GHR: variants seen among roughly 807,000 people sequenced by gnomAD.
The protein encoded by GHR is growth hormone receptor, also known as GH receptor.
In GHR, 35 loss-of-function variants were observed where a neutral mutation model predicts 67.1. The ratio of observed to expected loss-of-function variants is 0.52; its 90% CI spans 0.40 to 0.69. The LOEUF (loss-of-function observed/expected upper bound fraction) is 0.69, where lower values mean the gene tolerates loss of function less well. GHR is among the 30% of genes least tolerant of loss of function. GHR has a pLI of 0.00. For synonymous variants in GHR, 272 were observed against 269.1 expected, an observed-to-expected ratio of 1.01 and a Z score of -0.10; for missense variants, 792 against 764.6, an observed-to-expected ratio of 1.04 and a Z score of -0.42.
At chr5:42,467,699 TC>T in intron 1 of GHR, 6 of 1,579,658 alleles carry the variant, frequency 3.8e-6, no homozygotes, top group Non-Finnish European at 5.2e-6. Context: ...ATGAAGGCCT[TC>T]CCACACTCAT....
rs573495654 is a variant in GHR at position 42,479,434 on chromosome 5, T to C, written c.-12+55479T>C. Among the ~76,000 whole-genome samples the C allele has an allele frequency of 4.0e-3, 614 of 152,352 alleles. 3 individuals carry two copies. The highest frequency in any genetic ancestry group is 0.013 in the African/African-American group (548 of 41,584). On this transcript the variant is annotated intron_variant, in intron 1 of 9. Coordinates refer to ENST00000230882, the MANE Select transcript of GHR (RefSeq NM_000163.5). ...TAGGGAGGATTCCCTCTTTTTCTAT[T>C]GATTGGAATAGTTTCAGAAGGAATG...
chr5:42,476,965 T>C (rs1186321992), intron 1 of GHR, among the ~76,000 whole-genome samples: 5 of 152,098 alleles, frequency 3.3e-5, no homozygotes, highest in Non-Finnish European at 5.9e-5. Context: ...ATGTGCCATG[T>C]TGGTGTGCTG....
At chr5:42,474,885 CCTTTTT>C (rs1745230487) in intron 1 of GHR, among the ~76,000 whole-genome samples, 1 of 125,508 alleles carries the variant, frequency 8.0e-6, no homozygotes, top group Non-Finnish European at 1.7e-5. Context: ...TTTTTTTTGC[CCTTTTT>C]TTTTTTTTTT....
intron 2 of GHR, among the ~76,000 whole-genome samples, chr5:42,584,185 T>G (rs997134250): frequency 2.2e-4 from 34 of 152,208 alleles, no homozygotes; most frequent in Non-Finnish European, 5.9e-5. Flanking sequence ...GATTATTTAG[T>G]CTTCCGTGAA....
intron 1 of GHR, among the ~76,000 whole-genome samples, chr5:42,451,135 A>G (rs561369117): frequency 6.6e-6 from 1 of 152,286 alleles, no homozygotes; most frequent in Non-Finnish European, 1.5e-5. Flanking sequence ...GTAAGTACCT[A>G]TTAAGTCAAT....
chr5:42,503,040 T>G, intron 1 of GHR, among the ~76,000 whole-genome samples: 1 of 152,096 alleles, frequency 6.6e-6, no homozygotes, highest in East Asian at 1.9e-4. Context: ...GGTGTACTCT[T>G]GCCACCTGGT....
At chr5:42,666,361 T>G (rs569156154) in intron 3 of GHR, among the ~76,000 whole-genome samples, 2 of 152,296 alleles carry the variant, frequency 1.3e-5, no homozygotes, top group African/African-American at 4.8e-5. Context: ...AAGCATTCAT[T>G]GTTAATGATC....
Position 42,467,672 on chromosome 5 carries a change from C to T in GHR, c.-12+43717C>T, listed in dbSNP as rs952249090. The T allele has an allele frequency of 6.3e-6, 10 of 1,598,988 alleles. No homozygotes were observed. In the African/African-American group the frequency reaches 1.1e-4, roughly 17 times the overall value. The stretch of plus-strand genomic sequence containing the variant: ...CCAGTGTGGATTCTCTGATGCACAT[C>T]GAGCTTTGCACTCTGAATGAAGGCC... On this transcript the variant is annotated intron_variant, in intron 1 of 9. Coordinates refer to ENST00000230882, the MANE Select transcript of GHR (RefSeq NM_000163.5).
chr5:42,653,101 T>C (rs1190922123), intron 3 of GHR, among the ~76,000 whole-genome samples: 1 of 152,156 alleles, frequency 6.6e-6, no homozygotes, highest in East Asian at 1.9e-4. Context: ...GAACAGGGCC[T>C]GACAGATCAT....
chr5:42,486,958 C>T (rs10473286), intron 1 of GHR, among the ~76,000 whole-genome samples: 2 of 151,810 alleles, frequency 1.3e-5, no homozygotes, highest in African/African-American at 4.8e-5. Flanking sequence ...TAGTCTAATA[C>T]GAGATAGTTT....
At chr5:42,613,126 C>A (rs1368501247) in intron 2 of GHR, among the ~76,000 whole-genome samples, 1 of 152,080 alleles carries the variant, frequency 6.6e-6, no homozygotes, top group Non-Finnish European at 1.5e-5. Flanking sequence ...CTTCCTGTAA[C>A]ACCTACTTAG....
At chr5:42,707,117 T>A (rs1758213174) in intron 6 of GHR, among the ~76,000 whole-genome samples, 1 of 152,006 alleles carries the variant, frequency 6.6e-6, no homozygotes, top group Non-Finnish European at 1.5e-5. Context: ...TTAAATGTAT[T>A]CCTAGGTTTC....
rs1004153014 is a variant in GHR, at chr5:42,433,174, A to C, written c.-12+9219A>C. 2.0e-5 allele frequency among the ~76,000 whole-genome samples: 3 copies of C among 152,092 alleles called. No homozygotes were observed. In the East Asian group the frequency reaches 5.8e-4, roughly 29 times the overall value. ...TAGGACTTAGTAGGACTTGGGAGAC[A>C]TATCTACTTTGCCAGATCTTAGTAT... On this transcript the variant is annotated intron_variant, in intron 1 of 9. Transcript: ENST00000230882.
chr5:42,554,148 T>C (rs1309743187), intron 1 of GHR, among the ~76,000 whole-genome samples: 2 of 152,208 alleles, frequency 1.3e-5, no homozygotes, highest in African/African-American at 4.8e-5. Flanking sequence ...CCTATCCTAC[T>C]GATCCAATTC....
At chr5:42,441,136 G>C (rs1368352579) in intron 1 of GHR, among the ~76,000 whole-genome samples, 2 of 152,076 alleles carry the variant, frequency 1.3e-5, no homozygotes. Context: ...AGAGAAGAAA[G>C]CATAAGTCTG....
At chr5:42,483,197 G>T (rs550870857) in intron 1 of GHR, among the ~76,000 whole-genome samples, 3 of 152,112 alleles carry the variant, frequency 2.0e-5, no homozygotes, top group African/African-American at 7.2e-5. Flanking sequence ...GACTACAGGC[G>T]TGTACCTCCA....
chr5:42,719,000 G>T lies in GHR; in HGVS notation c.1493G>T (p.Ser498Ile). The change falls in exon 10 of 10, where the codon AGT becomes ATT. Residue 498 changes from serine (S) to isoleucine (I), a missense_variant. By Grantham distance (142) the Ser-to-Ile change is moderately radical (BLOSUM62 -2). Coordinates refer to ENST00000230882, the MANE Select transcript of GHR (RefSeq NM_000163.5). ...AQVSDITPAGSVVLSPGQKNK... is the reference protein window; with the variant it reads ...AQVSDITPAGIVVLSPGQKNK... ...GTGAGCGACATTACACCAGCAGGTAGTGTGGTCCTTTCCCCGGGCCAAAAG... is the reference window on the plus strand; with the variant it reads ...GTGAGCGACATTACACCAGCAGGTATTGTGGTCCTTTCCCCGGGCCAAAAG... 6 of 1,608,710 alleles carry T rather than the reference G, an allele frequency of 3.7e-6. No homozygotes were observed. Among genetic ancestry groups the T allele is most frequent in the Non-Finnish European group, 5.1e-6 (6 of 1,176,414 alleles).
At chr5:42,478,697 G>T (rs1219251985) in intron 1 of GHR, among the ~76,000 whole-genome samples, 1 of 152,138 alleles carries the variant, frequency 6.6e-6, no homozygotes, top group African/African-American at 2.4e-5. Context: ...TCTGTTGTTG[G>T]TGTATAAGAA....
intron 1 of GHR, among the ~76,000 whole-genome samples, chr5:42,428,447 A>T (rs1249111313): frequency 2.0e-5 from 3 of 152,172 alleles, no homozygotes; most frequent in African/African-American, 7.2e-5. Context: ...TGTTCTGGAG[A>T]CATTTTCCCT....
Sources: allele counts gnomAD v4.1 joint callset (sites outside exome capture counted in the v4.1 genomes callset), GRCh38; gene constraint gnomAD v4.1.1; transcripts MANE v1.5; gene names NCBI Gene and HGNC (gene_info 2026-07-23, HGNC 2026-07-21).